ZFAT: variants seen among roughly 807,000 people sequenced by gnomAD.
The protein encoded by ZFAT is zinc finger and AT-hook domain containing.
ZFAT carries 64 observed loss-of-function variants against 117.7 expected under a neutral mutation model. The observed-to-expected ratio is 0.54, with a 90% confidence interval of 0.44 to 0.67. The LOEUF (loss-of-function observed/expected upper bound fraction) is 0.67, where lower values mean the gene tolerates loss of function less well. Ranked by LOEUF, ZFAT falls within the 30% of genes least tolerant of loss-of-function variation. The pLI is 0.00. For synonymous variants in ZFAT, 679 were observed against 615.0 expected, an observed-to-expected ratio of 1.10 and a Z score of -1.54; for missense variants, 1,433 against 1,584.5, an observed-to-expected ratio of 0.90 and a Z score of 1.62.
At chr8:134,731,183 C>A in the ZFAT span, among the ~76,000 whole-genome samples, 1 of 152,196 alleles carries the variant, frequency 6.6e-6, no homozygotes, top group Admixed American at 6.5e-5. Context: ...GGAAAACTAG[C>A]AGTTTTTAAT....
intron 1 of ZFAT, among the ~76,000 whole-genome samples, chr8:134,666,203 A>G (rs1832208200): frequency 1.3e-5 from 2 of 152,066 alleles, no homozygotes; most frequent in Admixed American, 1.3e-4. Context: ...ACCCCCATCC[A>G]CCAGTAATGA....
rs114323898 is a variant in ZFAT at position 134,512,466 on chromosome 8, C to T, written c.3361+9G>A. 1,024 of 1,612,704 alleles carry T rather than the reference C, an allele frequency of 6.3e-4. 6 individuals carry two copies. In the African/African-American group the frequency reaches 0.01, roughly 16 times the overall value. ...TCTGAGATGGCAAAGGAAGACCAGGCGTCCTCACCACTCTCAGAGGTGTAT... is the reference window on the plus strand; with the variant it reads ...TCTGAGATGGCAAAGGAAGACCAGGTGTCCTCACCACTCTCAGAGGTGTAT... On this transcript the variant is annotated intron_variant, in intron 14 of 15. Transcript: ENST00000377838.
the ZFAT span, among the ~76,000 whole-genome samples, chr8:134,733,296 A>T: frequency 6.6e-6 from 1 of 152,220 alleles, no homozygotes; most frequent in Non-Finnish European, 1.5e-5. Flanking sequence ...CAAGTCCCCA[A>T]GTCCTCCACG....
At chr8:134,494,815 T>G (rs540449305) in intron 15 of ZFAT, among the ~76,000 whole-genome samples, 134 of 152,348 alleles carry the variant, frequency 8.8e-4, no homozygotes, top group African/African-American at 3.1e-3. Flanking sequence ...TAGTAGCAAG[T>G]ACATCTAAGA....
the ZFAT span, among the ~76,000 whole-genome samples, chr8:134,815,855 T>C: frequency 1.0e-3 from 153 of 152,330 alleles, no homozygotes; most frequent in African/African-American, 3.3e-3. Flanking sequence ...CAATTCTTTA[T>C]TACCACGCAC....
chr8:134,645,032 T>G (rs1351840573), intron 2 of ZFAT, among the ~76,000 whole-genome samples: 1 of 152,174 alleles, frequency 6.6e-6, no homozygotes, highest in Non-Finnish European at 1.5e-5. Flanking sequence ...AGAATGAGCT[T>G]GGTCCATTAG....
the ZFAT span, among the ~76,000 whole-genome samples, chr8:134,820,527 C>T: frequency 2.6e-5 from 4 of 152,196 alleles, no homozygotes; most frequent in Non-Finnish European, 4.4e-5. Flanking sequence ...GTATTTATCT[C>T]ACACTTATAT....
intron 1 of ZFAT, among the ~76,000 whole-genome samples, chr8:134,665,846 T>C (rs1447819876): frequency 6.6e-6 from 1 of 152,038 alleles, no homozygotes; most frequent in African/African-American, 2.4e-5. Context: ...TGCCCCTCCA[T>C]ACCCCTCTGC....
At chr8:134,801,165 C>G in the ZFAT span, among the ~76,000 whole-genome samples, 1 of 152,016 alleles carries the variant, frequency 6.6e-6, no homozygotes, top group Non-Finnish European at 1.5e-5. Flanking sequence ...TCTCCTCCCC[C>G]TCAACCCTCT....
intron 1 of ZFAT, among the ~76,000 whole-genome samples, chr8:134,711,758 A>C (rs1308667235): frequency 6.6e-6 from 1 of 152,244 alleles, no homozygotes; most frequent in Non-Finnish European, 1.5e-5. Flanking sequence ...AGGTGGAGGC[A>C]GGACTACGAC....
chr8:134,770,040 C>T, the ZFAT span, among the ~76,000 whole-genome samples: 1 of 152,234 alleles, frequency 6.6e-6, no homozygotes, highest in Non-Finnish European at 1.5e-5. Context: ...CTTCCTAGGC[C>T]TTCAGGCCTG....
the ZFAT span, among the ~76,000 whole-genome samples, chr8:134,774,841 G>C: frequency 6.6e-6 from 1 of 151,982 alleles, no homozygotes; most frequent in Non-Finnish European, 1.5e-5. Context: ...AGTCAGCCAG[G>C]CATGGTGGCT....
At chr8:134,607,454 T>TA (rs1427503058) in intron 5 of ZFAT, among the ~76,000 whole-genome samples, 7 of 152,256 alleles carry the variant, frequency 4.6e-5, no homozygotes, top group Non-Finnish European at 1.0e-4. Flanking sequence ...AAAATTCTAT[T>TA]AGACAGTCTT....
the ZFAT span, among the ~76,000 whole-genome samples, chr8:134,759,485 C>T: frequency 6.6e-6 from 1 of 152,040 alleles, no homozygotes; most frequent in African/African-American, 2.4e-5. Context: ...AGTAAATTGC[C>T]AATTCAATAT....
chr8:134,605,322 G>A (rs935700929), intron 5 of ZFAT, among the ~76,000 whole-genome samples: 28 of 152,152 alleles, frequency 1.8e-4, no homozygotes, highest in Non-Finnish European at 2.8e-4. Flanking sequence ...TGAGGAGGGC[G>A]GATCACAAGG....
chr8:134,783,410 C>T, the ZFAT span, among the ~76,000 whole-genome samples: 1 of 152,124 alleles, frequency 6.6e-6, no homozygotes, highest in Non-Finnish European at 1.5e-5. Context: ...AGGTTGCACA[C>T]TCCTTATGAG....
intron 10 of ZFAT, among the ~76,000 whole-genome samples, chr8:134,569,582 C>G (rs1437160983): frequency 6.6e-6 from 1 of 152,060 alleles, no homozygotes; most frequent in Non-Finnish European, 1.5e-5. Flanking sequence ...CCTGAGTGAC[C>G]CTGGGTTCTT....
At chr8:134,721,326 T>C in the ZFAT span, among the ~76,000 whole-genome samples, 1 of 152,176 alleles carries the variant, frequency 6.6e-6, no homozygotes, top group East Asian at 1.9e-4. Flanking sequence ...CTTCTACCAG[T>C]GCCAACTGCT....
At chr8:134,776,658 C>T in the ZFAT span, among the ~76,000 whole-genome samples, 11 of 152,188 alleles carry the variant, frequency 7.2e-5, no homozygotes, top group East Asian at 1.9e-4. Context: ...GTAGCAGTTA[C>T]GTACGAAGCC....
Sources: allele counts gnomAD v4.1 joint callset (sites outside exome capture counted in the v4.1 genomes callset), GRCh38; gene constraint gnomAD v4.1.1; transcripts MANE v1.5; gene names NCBI Gene and HGNC (gene_info 2026-07-23, HGNC 2026-07-21).